YY1: variants seen among roughly 807,000 people sequenced by gnomAD.
YY1 encodes YY1 transcription factor.
In YY1, 2 loss-of-function variants were observed where a neutral mutation model predicts 35.6. The observed-to-expected ratio is 0.06, with a 90% CI of 0.02 to 0.18. The LOEUF is 0.18. Ranked by LOEUF, YY1 falls within the 10% of genes least tolerant of loss-of-function variation. YY1 has a pLI of 1.00. For missense variants in YY1, 322 were observed against 573.4 expected, an observed-to-expected ratio of 0.56 and a Z score of 4.48; for synonymous variants, 268 against 238.9, an observed-to-expected ratio of 1.12 and a Z score of -1.12.
chr14:100,268,485 T>C (rs994132416), intron 2 of YY1, among the ~76,000 whole-genome samples: 9 of 152,208 alleles, frequency 5.9e-5, no homozygotes, highest in African/African-American at 2.2e-4. Context: ...TAAATAAAGT[T>C]AGACCTTTGA....
intron 1 of YY1, among the ~76,000 whole-genome samples, chr14:100,247,618 G>GAGT (rs1349534146): frequency 6.6e-6 from 1 of 152,170 alleles, no homozygotes; most frequent in East Asian, 1.9e-4. Context: ...AATTACTGCA[G>GAGT]AGTATTAGGA....
chr14:100,277,745 G>T lies in YY1; in HGVS notation c.*145G>T. 1 of 900,746 alleles carries T rather than the reference G, an allele frequency of 1.1e-6. No individual in the cohort carries two copies. The highest frequency in any genetic ancestry group is 1.7e-6 in the Non-Finnish European group (1 of 599,794). 55.8% of individuals were successfully genotyped at this position (900,746 alleles called of 1,614,324 possible). A position where few individuals can be genotyped will look rare whatever the true frequency, so the allele number is the denominator to read the frequency against. ...CACCTAAGGGACATGTTTTGATAAAGTAGTAAAAATTAAAAAAAAAAAACT... is the reference window on the plus strand; with the variant it reads ...CACCTAAGGGACATGTTTTGATAAATTAGTAAAAATTAAAAAAAAAAAACT... On this transcript the variant is annotated 3_prime_UTR_variant, in exon 5 of 5. Coordinates refer to ENST00000262238, the MANE Select transcript of YY1 (RefSeq NM_003403.5). This position sits in a 1 kb window ranked among gnomAD's most constrained non-coding sequence, Gnocchi z 5.6.
intron 1 of YY1, among the ~76,000 whole-genome samples, chr14:100,244,457 A>G (rs1890800623): frequency 1.4e-5 from 2 of 145,778 alleles, no homozygotes; most frequent in Non-Finnish European, 3.0e-5. Flanking sequence ...ATTTTGTTGT[A>G]TTTTTGGTAG....
intron 1 of YY1, among the ~76,000 whole-genome samples, chr14:100,261,903 C>T (rs143191949): frequency 3.3e-5 from 5 of 152,084 alleles, no homozygotes; most frequent in African/African-American, 1.2e-4. Flanking sequence ...AATACGAGGA[C>T]TTTAGGAGGC....
intron 1 of YY1, among the ~76,000 whole-genome samples, chr14:100,254,979 A>C (rs1487359333): frequency 6.9e-5 from 1 of 14,442 alleles, no homozygotes; most frequent in African/African-American, 2.1e-4. Flanking sequence ...TGGTATTTTT[A>C]GTAGTGACGG....
chr14:100,274,007 G>C (rs558061070), intron 2 of YY1, among the ~76,000 whole-genome samples: 1 of 152,082 alleles, frequency 6.6e-6, no homozygotes, highest in African/African-American at 2.4e-5. Context: ...CAGAAGTAGG[G>C]TAACAGTATG....
intron 1 of YY1, among the ~76,000 whole-genome samples, chr14:100,254,606 C>T (rs970574174): frequency 6.6e-5 from 10 of 151,904 alleles, no homozygotes; most frequent in African/African-American, 9.7e-5. Context: ...TAAAGGCACA[C>T]GCCACCACAC....
chr14:100,253,457 G>A (rs1423227074), intron 1 of YY1, among the ~76,000 whole-genome samples: 2 of 152,124 alleles, frequency 1.3e-5, no homozygotes, highest in Non-Finnish European at 2.9e-5. Flanking sequence ...TCGCTCTGTT[G>A]CCCAGCCTGG....
chr14:100,276,801 T>A lies in YY1; in HGVS notation c.1062+153T>A. On this transcript the variant is annotated intron_variant, in intron 4 of 4. Transcript: ENST00000262238. This position sits in a 1 kb window ranked among gnomAD's most constrained non-coding sequence, Gnocchi z 4.1. Reference sequence around the variant, plus strand: ...ACAAAACTTCTCCTGGGGAGTCGCTTAGAAGGGTTGCCGGGGCTCTGGACA... The same window carrying A: ...ACAAAACTTCTCCTGGGGAGTCGCTAAGAAGGGTTGCCGGGGCTCTGGACA... 8.8e-7 allele frequency: 1 copy of A among 1,140,322 alleles called. No homozygotes were observed. Among genetic ancestry groups the A allele is most frequent in the Non-Finnish European group, 1.3e-6 (1 of 790,894 alleles). The allele number at this position is 1,140,322 out of a possible 1,614,324, so 70.6% of individuals were successfully genotyped here.
At chr14:100,258,100 C>G (rs1029447176) in intron 1 of YY1, among the ~76,000 whole-genome samples, 2 of 151,690 alleles carry the variant, frequency 1.3e-5, no homozygotes, top group Non-Finnish European at 2.9e-5. Context: ...CCACTGCACT[C>G]CAGCCTGGAC....
intron 1 of YY1, among the ~76,000 whole-genome samples, chr14:100,258,004 C>T (rs11626767): frequency 0.66 from 100,195 of 151,816 alleles, 33,594 homozygotes; most frequent in South Asian, 0.81. Flanking sequence ...TGGTGGTGCC[C>T]GTCTGTGGTC....
chr14:100,255,215 A>G (rs1022239554), intron 1 of YY1, among the ~76,000 whole-genome samples: 29 of 152,128 alleles, frequency 1.9e-4, no homozygotes, highest in Non-Finnish European at 1.2e-4. Context: ...ATGTGATAAC[A>G]TGTGTCTTAA....
chr14:100,245,203 T>C (rs900056528), intron 1 of YY1, among the ~76,000 whole-genome samples: 8 of 152,346 alleles, frequency 5.3e-5, no homozygotes, highest in Admixed American at 2.0e-4. Context: ...CCCAAAGTGC[T>C]GGGATTACAG....
At chr14:100,272,169 G>A (rs1337249628) in intron 2 of YY1, among the ~76,000 whole-genome samples, 2 of 151,776 alleles carry the variant, frequency 1.3e-5, no homozygotes, top group Admixed American at 6.6e-5. Context: ...GGTGGCGGGC[G>A]CCTGTAGTCC....
chr14:100,239,883 G>C lies in YY1; in HGVS notation c.639G>C (p.Lys213Asn). 6.5e-7 allele frequency: 1 copy of C among 1,530,930 alleles called. No individual in the cohort carries two copies. The highest frequency in any genetic ancestry group is 8.8e-7 in the Non-Finnish European group (1 of 1,140,904). The allele number at this position is 1,530,930 out of a possible 1,614,324, so 94.8% of individuals were successfully genotyped here. A position where few individuals can be genotyped will look rare whatever the true frequency, so the allele number is the denominator to read the frequency against. The change falls in exon 1 of 5, where the codon AAG becomes AAC. Residue 213 changes from lysine to asparagine, a missense_variant. Physicochemically the swap from Lys to Asn is moderately conservative, Grantham distance 94. Around this residue, in one of 4 missense-constraint regions of YY1, gnomAD observed 152 missense variants for 167.1 expected, o/e 0.91. Coordinates refer to ENST00000262238, the MANE Select transcript of YY1 (RefSeq NM_003403.5). ...GGGAGCAGAAGCAGGTGCAGATCAA[G>C]ACCCTGGAGGGCGAGTTCTCGGTCA... is the stretch of plus-strand genomic sequence containing the variant. ...KKWEQKQVQIKTLEGEFSVTM... is the reference protein window; with the variant it reads ...KKWEQKQVQINTLEGEFSVTM...
intron 1 of YY1, among the ~76,000 whole-genome samples, chr14:100,260,624 C>CA (rs1372493443): frequency 6.6e-6 from 1 of 151,432 alleles, no homozygotes; most frequent in Non-Finnish European, 1.5e-5. Context: ...AGGTGCCCGC[C>CA]ACCACGCCTG....
At chr14:100,245,152 G>A (rs1890813505) in intron 1 of YY1, among the ~76,000 whole-genome samples, 1 of 151,554 alleles carries the variant, frequency 6.6e-6, no homozygotes, top group African/African-American at 2.4e-5. Context: ...TAGCCAGGAT[G>A]GTCTCGATCT....
rs116453812 is a variant in YY1 at position 100,267,136 on chromosome 14, A to G, written c.842+4670A>G. Reference sequence around the variant, plus strand: ...GGGTCTTCTGAAAAAGAAAAAGAAAAGGCAATCGGAAACTCCATGAAAAGG... The same window carrying G: ...GGGTCTTCTGAAAAAGAAAAAGAAAGGGCAATCGGAAACTCCATGAAAAGG... On this transcript the variant is annotated intron_variant, in intron 2 of 4. Transcript: ENST00000262238. Among the ~76,000 whole-genome samples the G allele has an allele frequency of 7.3e-3, 1,111 of 152,162 alleles. 14 individuals are homozygous for G. The highest frequency in any genetic ancestry group is 0.026 in the African/African-American group (1,065 of 41,442).
At chr14:100,253,392 A>G (rs761709250) in intron 1 of YY1, among the ~76,000 whole-genome samples, 4 of 152,204 alleles carry the variant, frequency 2.6e-5, no homozygotes, top group Non-Finnish European at 4.4e-5. Flanking sequence ...TTTAGTAGCA[A>G]TGGAGGTTTG....
Sources: gnomAD v4.1 joint callset for allele counts (sites outside exome capture counted in the v4.1 genomes callset) on GRCh38, gnomAD v4.1.1 for gene constraint, gnomAD v4.1.1 regional missense constraint, Gnocchi (gnomAD v3.1) non-coding constraint, MANE v1.5 for transcripts, NCBI Gene and HGNC (gene_info 2026-07-23, HGNC 2026-07-21) for gene names.